RGMA: variants seen among roughly 807,000 people sequenced by gnomAD.
RGMA encodes the protein repulsive guidance molecule BMP co-receptor a.
RGMA carries 10 observed loss-of-function variants against 23.2 expected under a neutral mutation model. The ratio of observed to expected loss-of-function variants is 0.43; its 90% confidence interval spans 0.27 to 0.73. RGMA has a LOEUF of 0.73. Ranked by LOEUF, RGMA falls within the 30% of genes least tolerant of loss-of-function variation. The pLI is 0.20. For missense variants in RGMA, 547 were observed against 630.5 expected, an observed-to-expected ratio of 0.87 and a Z score of 1.42; for synonymous variants, 308 against 279.3, an observed-to-expected ratio of 1.10 and a Z score of -1.03.
intron 3 of RGMA, 149 bp downstream of exon 3, chr15:93,051,844 G>T: frequency 3.7e-6 from 3 of 803,278 alleles, no homozygotes; most frequent in Non-Finnish European, 5.8e-6. Context: ...CCACCCCCTT[G>T]GGATGCTCAG....
In RGMA at chr15:93,044,872, GC is replaced by G; in HGVS notation, c.*125del. On this transcript the variant is annotated 3_prime_UTR_variant, in exon 4 of 4. Coordinates refer to ENST00000329082, the MANE Select transcript of RGMA (RefSeq NM_020211.3). ...TCCGTGCCTGAGCCCTTGGCAGCAG[GC>G]GGTCCCTGGCGTTCTGCGGGGCCAT... is the stretch of plus-strand genomic sequence containing the variant. 1.3e-6 allele frequency: 1 copy of G among 763,788 alleles called. No individual in the cohort carries two copies. The highest frequency in any genetic ancestry group is 2.1e-6 in the Non-Finnish European group (1 of 475,846). The allele number at this position is 763,788 out of a possible 1,614,324, so 47.3% of individuals were successfully genotyped here.
chr15:93,086,001 G>A (rs1412659851), intron 1 of RGMA, among the ~76,000 whole-genome samples: 1 of 152,210 alleles, frequency 6.6e-6, no homozygotes, highest in African/African-American at 2.4e-5. Context: ...GCTAAGAGAA[G>A]AGAGGCTGAA....
intron 3 of RGMA, among the ~76,000 whole-genome samples, chr15:93,050,764 C>T (rs1333082581): frequency 2.6e-5 from 4 of 152,184 alleles, no homozygotes; most frequent in African/African-American, 9.7e-5. Context: ...CTCTCACATC[C>T]TCAGACCTCC....
rs142055489 is a variant in RGMA, at chr15:93,076,298, G to C, written c.15-3267C>G. Among the ~76,000 whole-genome samples, 47 of 143,534 alleles carry C rather than the reference G, an allele frequency of 3.3e-4. No individual in the cohort carries two copies. The East Asian group carries it at 8.5e-3, about 26-fold the overall frequency. 94.2% of individuals were successfully genotyped at this position (143,534 alleles called of 152,430 possible). ...TCCACTCTGGGGGTAGCTATTTGAT[G>C]GGGGGAAAGGGGTCAAGGGGCTTCT... On this transcript the variant is annotated intron_variant, in intron 1 of 3. Coordinates refer to ENST00000329082, the MANE Select transcript of RGMA (RefSeq NM_020211.3).
intron 2 of RGMA, chr15:93,065,971 C>T (rs1895133186): frequency 2.1e-5 from 22 of 1,046,354 alleles, no homozygotes; most frequent in South Asian, 1.9e-4. Flanking sequence ...GCGCCGTCGT[C>T]TGGGCCGCTG....
At chr15:93,081,278 C>T (rs1895555134) in intron 1 of RGMA, among the ~76,000 whole-genome samples, 1 of 152,192 alleles carries the variant, frequency 6.6e-6, no homozygotes, top group South Asian at 2.1e-4. Flanking sequence ...GCCTTGCCCA[C>T]ACCTGATTGT....
intron 3 of RGMA, among the ~76,000 whole-genome samples, chr15:93,050,013 C>A (rs1242774653): frequency 6.6e-6 from 1 of 152,206 alleles, no homozygotes; most frequent in South Asian, 2.1e-4. Flanking sequence ...CTTTGGATGT[C>A]GACTCCTCTG....
intron 2 of RGMA, among the ~76,000 whole-genome samples, chr15:93,062,255 T>C (rs1894990529): frequency 6.6e-6 from 1 of 152,228 alleles, no homozygotes. Flanking sequence ...TAATGCTGTT[T>C]CTGGAACAAA....
Position 93,040,510 on chromosome 15 carries a change from A to AT in RGMA, c.*4487dup, listed in dbSNP as rs1473088833. 6.6e-6 allele frequency: 1 copy of AT among 152,216 alleles called. No individual in the cohort carries two copies. The highest frequency in any genetic ancestry group is 2.4e-5 in the African/African-American group (1 of 41,414). The allele number at this position is 152,216 out of a possible 1,614,324, so 9.4% of individuals were successfully genotyped here. A position where few individuals can be genotyped will look rare whatever the true frequency, so the allele number is the denominator to read the frequency against. Reference sequence around the variant, plus strand: ...CGGCTCTGCATGGCTTGTTCCTGAAATTCATGCAGGTGAGCTAGTCGGAGG... The same window carrying AT: ...CGGCTCTGCATGGCTTGTTCCTGAAATTTCATGCAGGTGAGCTAGTCGGAGG... On this transcript the variant is annotated 3_prime_UTR_variant, in exon 4 of 4. Coordinates refer to ENST00000329082, the MANE Select transcript of RGMA (RefSeq NM_020211.3).
intron 1 of RGMA, among the ~76,000 whole-genome samples, chr15:93,084,177 G>A (rs1337587689): frequency 6.6e-6 from 1 of 152,186 alleles, no homozygotes; most frequent in Non-Finnish European, 1.5e-5. Context: ...AGAGTTCCGT[G>A]GCTATGTTCC....
chr15:93,088,055 G>A (rs1021370984), intron 1 of RGMA, among the ~76,000 whole-genome samples: 5 of 152,122 alleles, frequency 3.3e-5, no homozygotes, highest in East Asian at 1.9e-4. Flanking sequence ...CCGCCCGCGA[G>A]ACACCCAATT....
rs577147679 is a variant in RGMA, at chr15:93,038,527, G to C, written c.*6471C>G. On this transcript the variant is annotated 3_prime_UTR_variant, in exon 4 of 4. Transcript: ENST00000329082. ...GGCAGGGGTGGCGTGGCATGCAGGA[G>C]CTGCCCCATGGACATTGCCTTAATG... 1 of 149,402 alleles carries C rather than the reference G, an allele frequency of 6.7e-6. No individual in the cohort carries two copies. The highest frequency in any genetic ancestry group is 2.4e-5 in the African/African-American group (1 of 40,950). 9.3% of individuals were successfully genotyped at this position (149,402 alleles called of 1,614,324 possible).
chr15:93,065,592 G>A (rs1430978625), intron 2 of RGMA: 1 of 785,382 alleles, frequency 1.3e-6, no homozygotes. Context: ...AATCACTCCA[G>A]GATGGTGGTG....
chr15:93,072,852 C>G (rs1895376208), intron 2 of RGMA, 64 bp downstream of exon 2: 1 of 1,543,460 alleles, frequency 6.5e-7, no homozygotes, highest in South Asian at 1.2e-5. Context: ...TCGCGCACAT[C>G]TGGCCCAGCA....
chr15:93,048,385 T>C (rs1263208778), intron 3 of RGMA, among the ~76,000 whole-genome samples: 1 of 152,186 alleles, frequency 6.6e-6, no homozygotes, highest in Admixed American at 6.5e-5. Flanking sequence ...AATGGCGGTC[T>C]TCTCATGAGC....
chr15:93,069,839 C>T (rs1895267519), intron 2 of RGMA, among the ~76,000 whole-genome samples: 1 of 152,232 alleles, frequency 6.6e-6, no homozygotes, highest in Non-Finnish European at 1.5e-5. Flanking sequence ...AACAGGAAGC[C>T]TGGTGACATG....
At position 93,073,308 on chromosome 15, in the gene RGMA, G is replaced by T. The variant is rs894039053; in HGVS notation, c.15-277C>A. The T allele has an allele frequency of 8.4e-6, 4 of 473,804 alleles. No homozygotes were observed. In the South Asian group the frequency reaches 2.7e-4, roughly 32 times the overall value. 29.3% of individuals were successfully genotyped at this position (473,804 alleles called of 1,614,324 possible). A position where few individuals can be genotyped will look rare whatever the true frequency, so the allele number is the denominator to read the frequency against. ...CGAGGCCGGCGAGGTAGCCGGAGGCGGCCGGGCGGGGACCCAGGCTGCCCG... is the reference window on the plus strand; with the variant it reads ...CGAGGCCGGCGAGGTAGCCGGAGGCTGCCGGGCGGGGACCCAGGCTGCCCG... On this transcript the variant is annotated intron_variant, in intron 1 of 3. Transcript: ENST00000329082.
chr15:93,073,840 CT>C (rs1263584185), intron 1 of RGMA: 1 of 1,509,780 alleles, frequency 6.6e-7, no homozygotes, highest in African/African-American at 1.4e-5. Context: ...CGCCCCCGTG[CT>C]GAGGGCCTGC....
intron 2 of RGMA, chr15:93,065,956 G>T (rs1009505158): frequency 4.7e-6 from 4 of 859,990 alleles, no homozygotes; most frequent in African/African-American, 3.3e-5. Context: ...GAAGAAGGGT[G>T]GGGGGCGCCG....
Sources: allele counts gnomAD v4.1 joint callset (sites outside exome capture counted in the v4.1 genomes callset), GRCh38; gene constraint gnomAD v4.1.1; transcripts MANE v1.5; gene names NCBI Gene and HGNC (gene_info 2026-07-23, HGNC 2026-07-21).